IRAG1: variants seen among roughly 807,000 people sequenced by gnomAD.
The protein encoded by IRAG1 is inositol 1,4,5-triphosphate receptor associated 1.
In IRAG1, 62 loss-of-function variants were observed where a neutral mutation model predicts 106.2. The ratio of observed to expected loss-of-function variants is 0.58; its 90% CI spans 0.48 to 0.72. IRAG1 has a LOEUF of 0.72. Among genes scored for constraint, IRAG1 ranks in the 30% least tolerant of loss-of-function variants. IRAG1 has a pLI of 0.00. For missense variants in IRAG1, 1,064 were observed against 1,140.7 expected, an observed-to-expected ratio of 0.93 and a Z score of 0.97; for synonymous variants, 462 against 443.9, an observed-to-expected ratio of 1.04 and a Z score of -0.51.
chr11:10,607,597 T>C lies in IRAG1; in HGVS notation c.1572-825A>G, dbSNP rs12287389. Among the ~76,000 whole-genome samples, 1,456 of 152,206 alleles carry C rather than the reference T, an allele frequency of 9.6e-3. 17 individuals carry two copies. The highest frequency in any genetic ancestry group is 0.033 in the African/African-American group (1,354 of 41,494). ...CAATGTAAATAATGCACAGGCCCTT[T>C]CCTGTGCTGGGGCGGGGAGGCCTGG... On this transcript the variant is annotated intron_variant, in intron 11 of 20. Coordinates refer to ENST00000423302, the MANE Select transcript of IRAG1 (RefSeq NM_130385.4).
chr11:10,629,467 C>T, intron 5 of IRAG1, 71 bp downstream of exon 5: 3 of 1,523,886 alleles, frequency 2.0e-6, no homozygotes, highest in Non-Finnish European at 2.6e-6. Context: ...CCCACTGCAG[C>T]TGGTGCCAGG....
At chr11:10,640,967 A>G (rs1166886573) in intron 2 of IRAG1, among the ~76,000 whole-genome samples, 2 of 152,260 alleles carry the variant, frequency 1.3e-5, no homozygotes, top group South Asian at 2.1e-4. Context: ...AGGATGCCCC[A>G]GTTATATTTG....
intron 1 of IRAG1, among the ~76,000 whole-genome samples, chr11:10,684,181 A>G (rs976089589): frequency 2.0e-5 from 3 of 152,286 alleles, no homozygotes; most frequent in African/African-American, 7.2e-5. Flanking sequence ...GGCACTATTC[A>G]CAATAGCAAA....
rs750959169 is a variant in IRAG1, at chr11:10,576,595, T to A, written c.2496-20A>T. 1 of 1,613,632 alleles carries A rather than the reference T, an allele frequency of 6.2e-7. No individual in the cohort carries two copies. Among genetic ancestry groups the A allele is most frequent in the Admixed American group, 1.7e-5 (1 of 60,028 alleles). On this transcript the variant is annotated intron_variant, in intron 20 of 20. Coordinates refer to ENST00000423302, the MANE Select transcript of IRAG1 (RefSeq NM_130385.4). ...AGTTTGCTGTCAATGAAAAAAAATATGCAGAGGCTTTAGTATACTGGGCAC... is the reference window on the plus strand; with the variant it reads ...AGTTTGCTGTCAATGAAAAAAAATAAGCAGAGGCTTTAGTATACTGGGCAC...
At chr11:10,602,516 C>T (rs1056791000) in intron 14 of IRAG1, among the ~76,000 whole-genome samples, 1 of 152,164 alleles carries the variant, frequency 6.6e-6, no homozygotes, top group Non-Finnish European at 1.5e-5. Context: ...CGGGGCGGGG[C>T]TCTGTATGCT....
chr11:10,609,148 A>G (rs922793680), intron 11 of IRAG1, among the ~76,000 whole-genome samples: 8 of 152,128 alleles, frequency 5.3e-5, no homozygotes, highest in Non-Finnish European at 1.2e-4. Context: ...TGCACATCTC[A>G]AATTATTACT....
intron 1 of IRAG1, among the ~76,000 whole-genome samples, chr11:10,676,350 A>G (rs1463866585): frequency 1.3e-5 from 2 of 152,142 alleles, no homozygotes; most frequent in Non-Finnish European, 2.9e-5. Context: ...GGGCAGCTGC[A>G]TTTTCGCCCA....
At chr11:10,612,657 AG>A (rs1855064680) in intron 10 of IRAG1, among the ~76,000 whole-genome samples, 1 of 152,122 alleles carries the variant, frequency 6.6e-6, no homozygotes, top group Non-Finnish European at 1.5e-5. Context: ...CAAAAGAGGA[AG>A]GAAGGTAGAA....
intron 4 of IRAG1, chr11:10,630,016 A>T: frequency 3.1e-6 from 1 of 327,346 alleles, no homozygotes. Flanking sequence ...CTCCGGCACC[A>T]TCTGCGCCCC....
intron 1 of IRAG1, among the ~76,000 whole-genome samples, chr11:10,677,488 C>G (rs1001013203): frequency 2.0e-5 from 3 of 152,164 alleles, no homozygotes; most frequent in Non-Finnish European, 2.9e-5. Context: ...TGACACAAGA[C>G]CTTGGCTTCC....
At chr11:10,594,326 T>A (rs1853027853) in intron 15 of IRAG1, 131 bp from the exon 16 acceptor site, 1 of 757,434 alleles carries the variant, frequency 1.3e-6, no homozygotes, top group Admixed American at 2.8e-5. Context: ...GGTCTGGGTG[T>A]TGGGGACACT....
chr11:10,691,650 C>G (rs1461789702), intron 1 of IRAG1, among the ~76,000 whole-genome samples: 1 of 152,158 alleles, frequency 6.6e-6, no homozygotes, highest in Admixed American at 6.5e-5. Context: ...TTAACATCCC[C>G]TAGCCCCACT....
intron 19 of IRAG1, among the ~76,000 whole-genome samples, chr11:10,581,504 T>A (rs1223143072): frequency 6.6e-6 from 1 of 151,988 alleles, no homozygotes; most frequent in Non-Finnish European, 1.5e-5. Context: ...CTGCAGCTGC[T>A]CCTGGGCACT....
At chr11:10,680,658 T>A (rs1281599015) in intron 1 of IRAG1, among the ~76,000 whole-genome samples, 2 of 152,104 alleles carry the variant, frequency 1.3e-5, no homozygotes, top group African/African-American at 4.8e-5. Context: ...CCATTGGCCC[T>A]GGAGCTGGGC....
At chr11:10,655,219 ACTTTT>A (rs1858827305) in intron 1 of IRAG1, among the ~76,000 whole-genome samples, 1 of 152,140 alleles carries the variant, frequency 6.6e-6, no homozygotes, top group Admixed American at 6.5e-5. Flanking sequence ...TGACTATTCC[ACTTTT>A]CTTTTGTCTT....
intron 10 of IRAG1, among the ~76,000 whole-genome samples, chr11:10,615,022 T>C (rs1169639419): frequency 1.3e-5 from 2 of 152,168 alleles, no homozygotes; most frequent in Non-Finnish European, 2.9e-5. Flanking sequence ...GAGAAAATTT[T>C]TGCAATCTAC....
At chr11:10,633,218 G>A (rs971695586) in intron 3 of IRAG1, among the ~76,000 whole-genome samples, 4 of 151,762 alleles carry the variant, frequency 2.6e-5, no homozygotes, top group Non-Finnish European at 4.4e-5. Context: ...GGGACTACAG[G>A]CGCCCGCCAC....
rs1262978815 is a variant in IRAG1 at position 10,576,311 on chromosome 11, A to AC, written c.*20dup. The AC allele has an allele frequency of 6.2e-7, 1 of 1,612,764 alleles. No individual in the cohort carries two copies. The highest frequency in any genetic ancestry group is 8.5e-7 in the Non-Finnish European group (1 of 1,179,540). ...TAGTCTGAGTGTCTCAGAGCAGGGCACTGGCTAGGTGTGAGGTTTCCTACT... is the reference window on the plus strand; with the variant it reads ...TAGTCTGAGTGTCTCAGAGCAGGGCACCTGGCTAGGTGTGAGGTTTCCTACT... On this transcript the variant is annotated 3_prime_UTR_variant, in exon 21 of 21. Coordinates refer to ENST00000423302, the MANE Select transcript of IRAG1 (RefSeq NM_130385.4).
chr11:10,682,799 CT>C (rs1410400232), intron 1 of IRAG1, among the ~76,000 whole-genome samples: 3 of 152,178 alleles, frequency 2.0e-5, no homozygotes, highest in African/African-American at 7.2e-5. Context: ...ATTTTCCCTT[CT>C]TTAGTAAGAA....
Sources: gnomAD v4.1 joint callset for allele counts (sites outside exome capture counted in the v4.1 genomes callset) on GRCh38, gnomAD v4.1.1 for gene constraint, MANE v1.5 for transcripts, NCBI Gene and HGNC (gene_info 2026-07-23, HGNC 2026-07-21) for gene names.